SFXN5: variants seen among roughly 807,000 people sequenced by gnomAD.
SFXN5 encodes the protein sideroflexin 5.
SFXN5 carries 43 observed loss-of-function variants against 50.2 expected under a neutral mutation model. The ratio of observed to expected loss-of-function variants is 0.86; its 90% CI spans 0.67 to 1.11. The LOEUF is 1.11. SFXN5 is among the 50% of genes least tolerant of loss of function. SFXN5 has a pLI of 0.00. For synonymous variants in SFXN5, 203 were observed against 185.8 expected, an observed-to-expected ratio of 1.09 and a Z score of -0.75; for missense variants, 463 against 454.1, an observed-to-expected ratio of 1.02 and a Z score of -0.18.
intron 6 of SFXN5, among the ~76,000 whole-genome samples, chr2:73,012,195 C>T (rs1675588240): frequency 6.6e-6 from 1 of 152,172 alleles, no homozygotes; most frequent in Non-Finnish European, 1.5e-5. Context: ...TAGAGGCACA[C>T]ACCAAACTTC....
intron 2 of SFXN5, among the ~76,000 whole-genome samples, chr2:73,057,245 C>T (rs1682265117): frequency 6.6e-6 from 1 of 152,130 alleles, no homozygotes; most frequent in South Asian, 2.1e-4. Context: ...CTCAAGCAAT[C>T]CTCCCACCTG....
intron 6 of SFXN5, among the ~76,000 whole-genome samples, chr2:73,006,628 CA>C (rs34991822): frequency 0.029 from 4,038 of 141,244 alleles, 152 homozygotes; most frequent in African/African-American, 0.089. Flanking sequence ...GAGATTATCT[CA>C]AAAAAAAAAA....
At chr2:73,018,465 A>C (rs537696727) in intron 6 of SFXN5, among the ~76,000 whole-genome samples, 1 of 152,286 alleles carries the variant, frequency 6.6e-6, no homozygotes, top group South Asian at 2.1e-4. Flanking sequence ...AATAAAAAAA[A>C]CCACAAAGAC....
intron 12 of SFXN5, among the ~76,000 whole-genome samples, chr2:72,963,012 G>A (rs559666252): frequency 6.6e-6 from 1 of 152,278 alleles, no homozygotes; most frequent in Non-Finnish European, 1.5e-5. Context: ...CTTAGGGGTC[G>A]TGGAGGGGCT....
At chr2:73,016,109 T>A (rs1231402651) in intron 6 of SFXN5, among the ~76,000 whole-genome samples, 1 of 152,218 alleles carries the variant, frequency 6.6e-6, no homozygotes, top group Non-Finnish European at 1.5e-5. Context: ...ATTATTGTAC[T>A]TCTTATTGCT....
rs1440493147 is a variant in SFXN5 at position 72,950,951 on chromosome 2, C to T, written c.946-5852G>A. Among the ~76,000 whole-genome samples the T allele has an allele frequency of 6.6e-6, 1 of 152,128 alleles. No homozygotes were observed. Among genetic ancestry groups the T allele is most frequent in the Admixed American group, 6.5e-5 (1 of 15,282 alleles). ...GTGGCCCAGGCCCAGGCAGCCAGCT[C>T]GGGGCGGGCTGGAATCCGTGGGCCC... On this transcript the variant is annotated intron_variant, in intron 13 of 13. Coordinates refer to ENST00000272433, the MANE Select transcript of SFXN5 (RefSeq NM_144579.3). The surrounding 1 kb of genome is among the most constrained non-coding windows in gnomAD (Gnocchi z 4.2).
intron 3 of SFXN5, among the ~76,000 whole-genome samples, chr2:73,024,885 T>C (rs1339206169): frequency 2.0e-5 from 3 of 152,188 alleles, no homozygotes; most frequent in Non-Finnish European, 2.9e-5. Context: ...AGTTATAAAA[T>C]TGATACATTA....
intron 1 of SFXN5, among the ~76,000 whole-genome samples, chr2:73,066,539 CAG>C (rs575744609): frequency 6.7e-6 from 1 of 149,622 alleles, no homozygotes; most frequent in South Asian, 2.1e-4. Context: ...GCCTGGGCGA[CAG>C]AGAGAGACTC....
intron 1 of SFXN5, 110 bp downstream of exon 1, chr2:73,071,494 C>G (rs1391692377): frequency 1.0e-6 from 1 of 999,656 alleles, no homozygotes; most frequent in East Asian, 2.7e-5. Context: ...TAGCTGCAGG[C>G]TCCGCTGGCC....
At chr2:72,989,459 T>G (rs1194455616) in intron 9 of SFXN5, among the ~76,000 whole-genome samples, 2 of 152,096 alleles carry the variant, frequency 1.3e-5, no homozygotes, top group Non-Finnish European at 2.9e-5. Flanking sequence ...GGGTGTGAGC[T>G]TGGCATATAA....
Position 73,026,422 on chromosome 2 carries a change from G to A in SFXN5, c.250-3208C>T, listed in dbSNP as rs535957101. ...CTGGGATTACACCTCGCCCAACATG[G>A]TTGCTGCCTTGACTTTAATACAGGC... is the stretch of plus-strand genomic sequence containing the variant. On this transcript the variant is annotated intron_variant, in intron 3 of 13. Coordinates refer to ENST00000272433, the MANE Select transcript of SFXN5 (RefSeq NM_144579.3). Among the ~76,000 whole-genome samples the A allele has an allele frequency of 3.6e-4, 55 of 151,886 alleles. 2 individuals carry two copies. In the South Asian group the frequency reaches 0.011, roughly 29 times the overall value.
At position 72,968,170 on chromosome 2, in the gene SFXN5, A is replaced by C. The variant is rs889864802; in HGVS notation, c.827+278T>G. Among the ~76,000 whole-genome samples, 25 of 102,696 alleles carry C rather than the reference A, an allele frequency of 2.4e-4. No individual in the cohort carries two copies. The highest frequency in any genetic ancestry group is 1.6e-3 in the Admixed American group (18 of 11,078). The allele number at this position is 102,696 out of a possible 152,430, so 67.4% of individuals were successfully genotyped here. A position where few individuals can be genotyped will look rare whatever the true frequency, so the allele number is the denominator to read the frequency against. Reference sequence around the variant, plus strand: ...ACACACACACACACACACACACACAACTGCCAGCTCCTCAGGGGAGGGCCA... The same window carrying C: ...ACACACACACACACACACACACACACCTGCCAGCTCCTCAGGGGAGGGCCA... On this transcript the variant is annotated intron_variant, in intron 12 of 13. Coordinates refer to ENST00000272433, the MANE Select transcript of SFXN5 (RefSeq NM_144579.3).
chr2:73,016,019 T>TCA (rs1676108016), intron 6 of SFXN5, among the ~76,000 whole-genome samples: 1 of 152,238 alleles, frequency 6.6e-6, no homozygotes, highest in Non-Finnish European at 1.5e-5. Context: ...AGAAATGTAT[T>TCA]CATTTCTTCT....
intron 2 of SFXN5, chr2:73,042,534 A>T (rs1319341596): frequency 6.6e-6 from 1 of 152,076 alleles, no homozygotes; most frequent in Non-Finnish European, 1.5e-5. Context: ...AATCGCTTGA[A>T]CCTGGGAGGT....
intron 10 of SFXN5, among the ~76,000 whole-genome samples, chr2:72,976,581 G>C (rs548269001): frequency 1.4e-4 from 21 of 152,276 alleles, no homozygotes; most frequent in African/African-American, 5.1e-4. Context: ...GAGATTAGAA[G>C]CAGGACTACA....
chr2:73,056,478 G>T (rs768656501), intron 2 of SFXN5, among the ~76,000 whole-genome samples: 34 of 151,958 alleles, frequency 2.2e-4, no homozygotes, highest in Non-Finnish European at 4.0e-4. Context: ...CTGAGGTTGA[G>T]AGTTCAAGAC....
intron 2 of SFXN5, among the ~76,000 whole-genome samples, chr2:73,048,079 T>C (rs1042619136): frequency 2.0e-5 from 3 of 152,256 alleles, no homozygotes; most frequent in Non-Finnish European, 4.4e-5. Flanking sequence ...TCAGGTATCA[T>C]GCATACCATG....
At chr2:73,008,810 A>G (rs559098458) in intron 6 of SFXN5, among the ~76,000 whole-genome samples, 11 of 152,354 alleles carry the variant, frequency 7.2e-5, no homozygotes, top group Non-Finnish European at 1.3e-4. Context: ...AAAAGTTCCC[A>G]TCTTCAAATG....
chr2:72,972,654 C>T (rs969579679), intron 10 of SFXN5, among the ~76,000 whole-genome samples: 1 of 152,212 alleles, frequency 6.6e-6, no homozygotes, highest in Admixed American at 6.5e-5. Context: ...CTCCCAGCCC[C>T]GCTGCAGGAT....
Sources: gnomAD v4.1 joint callset for allele counts (sites outside exome capture counted in the v4.1 genomes callset) on GRCh38, gnomAD v4.1.1 for gene constraint, Gnocchi (gnomAD v3.1) non-coding constraint, MANE v1.5 for transcripts, NCBI Gene and HGNC (gene_info 2026-07-23, HGNC 2026-07-21) for gene names.